The following NCOA6 variants were observed in gnomAD, a reference collection of about 807,000 sequenced individuals.
NCOA6 encodes NRC RAP250.
In NCOA6, 49 loss-of-function variants were observed where a neutral mutation model predicts 171.4. The observed-to-expected ratio is 0.29, with a 90% CI of 0.23 to 0.36. The LOEUF is 0.36. Ranked by LOEUF, NCOA6 falls within the 10% of genes least tolerant of loss-of-function variation. The probability of loss-of-function intolerance (pLI) is 1.00; values close to 1 mark genes in which losing one functional copy is unlikely to be tolerated. For synonymous variants in NCOA6, 910 were observed against 927.5 expected (o/e 0.98, Z 0.34); for missense variants, 2,248 against 2,554.5 (o/e 0.88, Z 2.59).
At chr20:34,778,235 G>A (rs1015957296) in intron 3 of NCOA6, among the ~76,000 whole-genome samples, 1 of 152,060 alleles carries the variant, frequency 6.6e-6, no homozygotes, top group African/African-American at 2.4e-5. Context: ...AAAAAGGAAG[G>A]ATATCCTGCC....
At position 34,749,507 on chromosome 20, in the gene NCOA6, A is replaced by T. The variant is rs143585510; in HGVS notation, c.2688T>A (p.Ser896=). The change falls in exon 9 of 15, where the codon TCT becomes TCA. Residue 896 remains serine, a synonymous_variant. Coordinates refer to ENST00000359003, the MANE Select transcript of NCOA6 (RefSeq NM_014071.5). ...LLVNLLQSDI[S]AGHFGVNNKQ... Reference sequence around the variant, plus strand: ...TATTGTTTACCCCAAAATGGCCTGCAGATATGTCACTCTGCAATAAGTTGA... The same window carrying T: ...TATTGTTTACCCCAAAATGGCCTGCTGATATGTCACTCTGCAATAAGTTGA... 6.2e-7 allele frequency: 1 copy of T among 1,614,126 alleles called. No homozygotes were observed. The highest frequency in any genetic ancestry group is 1.3e-5 in the African/African-American group (1 of 74,932).
chr20:34,750,627 A>C, intron 8 of NCOA6, 108 bp from the exon 9 acceptor site: 1 of 1,177,626 alleles, frequency 8.5e-7, no homozygotes, highest in South Asian at 1.8e-5. Context: ...CCTTATATCC[A>C]CTGACCAACA....
intron 8 of NCOA6, among the ~76,000 whole-genome samples, chr20:34,753,010 A>G (rs964441793): frequency 6.6e-6 from 1 of 151,816 alleles, no homozygotes; most frequent in African/African-American, 2.4e-5. Flanking sequence ...GATAGGGTAC[A>G]AGAATGAGAA....
At chr20:34,737,917 G>A (rs2076006271) in intron 11 of NCOA6, among the ~76,000 whole-genome samples, 1 of 152,086 alleles carries the variant, frequency 6.6e-6, no homozygotes, top group African/African-American at 2.4e-5. Context: ...TTTTTCTCCT[G>A]AGACAGAGCC....
At position 34,749,272 on chromosome 20, in the gene NCOA6, T is replaced by C. The variant is rs779051267; in HGVS notation, c.2792+131A>G. On this transcript the variant is annotated intron_variant, in intron 9 of 14. Transcript: ENST00000359003. ...AGATGAAGGCAAGACAGACTATGAG[T>C]TGATAATTATTGAAGCAGGGGGATT... is the stretch of plus-strand genomic sequence containing the variant. The C allele has an allele frequency of 1.4e-4, 161 of 1,138,000 alleles. 1 individual carries two copies. The highest frequency in any genetic ancestry group is 1.9e-4 in the Non-Finnish European group (154 of 810,026). The allele number at this position is 1,138,000 out of a possible 1,614,324, so 70.5% of individuals were successfully genotyped here. A position where few individuals can be genotyped will look rare whatever the true frequency, so the allele number is the denominator to read the frequency against.
At chr20:34,727,474 T>A (rs2147027477) in intron 13 of NCOA6, 67 bp from the exon 14 acceptor site, 1 of 1,533,806 alleles carries the variant, frequency 6.5e-7, no homozygotes, top group East Asian at 2.3e-5. Context: ...AACGGGCTCT[T>A]CAGATAGTTT....
At chr20:34,792,674 CA>C in intron 1 of NCOA6, 111 bp from the exon 2 acceptor site, 4 of 389,408 alleles carry the variant, frequency 1.0e-5, no homozygotes, top group Non-Finnish European at 1.8e-5. Flanking sequence ...ATCTTTTCAA[CA>C]AAAGTCAATG....
At chr20:34,779,244 C>T (rs924656468) in intron 3 of NCOA6, among the ~76,000 whole-genome samples, 4 of 152,224 alleles carry the variant, frequency 2.6e-5, no homozygotes, top group Admixed American at 2.0e-4. Flanking sequence ...CGTGCAGTGG[C>T]GCATGTCCGT....
At chr20:34,822,762 T>C (rs1444409738) in intron 1 of NCOA6, among the ~76,000 whole-genome samples, 2 of 152,172 alleles carry the variant, frequency 1.3e-5, no homozygotes, top group African/African-American at 2.4e-5. Context: ...TTTCTTAACC[T>C]GGGGTTCATA....
intron 2 of NCOA6, 54 bp downstream of exon 2, chr20:34,792,396 A>G (rs1002625825): frequency 1.0e-5 from 4 of 394,630 alleles, no homozygotes; most frequent in Middle Eastern, 6.4e-4. Context: ...AAAAAAAAAA[A>G]AGAATAAGCA....
At chr20:34,789,249 T>C (rs187050817) in intron 2 of NCOA6, among the ~76,000 whole-genome samples, 21 of 152,334 alleles carry the variant, frequency 1.4e-4, no homozygotes, top group Non-Finnish European at 1.5e-5. Context: ...TTTCAATCTA[T>C]GGAAGTCAAC....
At position 34,742,236 on chromosome 20, in the gene NCOA6, G is replaced by A. The variant is rs1600812901; in HGVS notation, c.4020C>T (p.Thr1340=). The A allele has an allele frequency of 6.2e-7, 1 of 1,614,182 alleles. No homozygotes were observed. Among genetic ancestry groups the A allele is most frequent in the South Asian group, 1.1e-5 (1 of 91,092 alleles). ...AATTTTGCCTCCCAGGGCTTGGAGT[G>A]GTTTTCCTACTGGACCCAGGACTAG... ...RRSSPGSSRK[T]TPSPGRQNSK... Residue 1340 remains threonine, a synonymous_variant, in exon 11 of 15, where the codon ACC becomes ACT. Transcript: ENST00000359003.
chr20:34,727,478 A>T, intron 13 of NCOA6, 71 bp from the exon 14 acceptor site: 1 of 1,529,894 alleles, frequency 6.5e-7, no homozygotes. Context: ...GGCTCTTCAG[A>T]TAGTTTCATT....
At chr20:34,779,756 C>T (rs6120725) in intron 3 of NCOA6, among the ~76,000 whole-genome samples, 90 of 152,166 alleles carry the variant, frequency 5.9e-4, no homozygotes, top group Non-Finnish European at 2.1e-4. Context: ...TACATGTTGC[C>T]TAAAGCCCCT....
rs112051697 is a variant in NCOA6, at chr20:34,743,163, TTGCTGCTGC to T, written c.3084_3092del (p.Gln1030_Gln1032del). Reference sequence around the variant, plus strand: ...GCATCATGAGCATCATCATCATTTGTTGCTGCTGCTGCTGCTGCTGCTGAGACTGTGGCT... The same window carrying T: ...GCATCATGAGCATCATCATCATTTGTTGCTGCTGCTGCTGAGACTGTGGCT... On this transcript the variant is annotated inframe_deletion, in exon 11 of 15. Coordinates refer to ENST00000359003, the MANE Select transcript of NCOA6 (RefSeq NM_014071.5). 160 of 1,613,102 alleles carry T rather than the reference TTGCTGCTGC, an allele frequency of 9.9e-5. No individual in the cohort carries two copies. Among genetic ancestry groups the T allele is most frequent in the Admixed American group, 1.8e-4 (11 of 59,916 alleles).
At chr20:34,767,821 G>T (rs1331419407) in intron 5 of NCOA6, among the ~76,000 whole-genome samples, 1 of 152,170 alleles carries the variant, frequency 6.6e-6, no homozygotes, top group Non-Finnish European at 1.5e-5. Flanking sequence ...GAAGATCTGT[G>T]ATACTAGTTT....
At chr20:34,772,817 G>A (rs1234689440) in intron 4 of NCOA6, among the ~76,000 whole-genome samples, 1 of 152,096 alleles carries the variant, frequency 6.6e-6, no homozygotes, top group African/African-American at 2.4e-5. Context: ...TTTTAATAGA[G>A]CTGAAAAGAC....
intron 13 of NCOA6, among the ~76,000 whole-genome samples, chr20:34,729,154 T>C (rs1990318715): frequency 6.6e-6 from 1 of 152,226 alleles, no homozygotes; most frequent in South Asian, 2.1e-4. Context: ...TTTCACCATG[T>C]TGGCCAGGCT....
chr20:34,801,675 C>T (rs1033026832), intron 1 of NCOA6, among the ~76,000 whole-genome samples: 1 of 151,930 alleles, frequency 6.6e-6, no homozygotes, highest in Non-Finnish European at 1.5e-5. Flanking sequence ...TAACAAGTAA[C>T]AAGATCAGGT....
Sources: gnomAD v4.1 joint callset for allele counts (sites outside exome capture counted in the v4.1 genomes callset) on GRCh38, gnomAD v4.1.1 for gene constraint, MANE v1.5 for transcripts, NCBI Gene and HGNC (gene_info 2026-07-23, HGNC 2026-07-21) for gene names.